The following NIBAN1 variants were observed in gnomAD, a reference collection of about 807,000 sequenced individuals.
NIBAN1 encodes niban apoptosis regulator 1, also known as protein Niban 1.
Under a neutral mutation model 75.1 loss-of-function variants are expected in NIBAN1, and 81 were observed. The observed-to-expected ratio is 1.08, with a 90% CI of 0.90 to 1.30. The LOEUF is 1.30. Ranked by LOEUF, NIBAN1 falls within the 50% of genes most tolerant of loss-of-function variation. The pLI is 0.00. For missense variants in NIBAN1, 1,133 were observed against 1,128.1 expected (o/e 1.00, Z -0.06); for synonymous variants, 436 against 424.8 (o/e 1.03, Z -0.32).
chr1:184,867,808 C>T (rs1165579276), intron 5 of NIBAN1: 4 of 960,238 alleles, frequency 4.2e-6, no homozygotes, highest in Non-Finnish European at 5.0e-6. Flanking sequence ...ACTGTGTTTT[C>T]GGTTTGTTTT....
chr1:184,796,679 C>A (rs1653880569), intron 13 of NIBAN1, among the ~76,000 whole-genome samples: 4 of 152,326 alleles, frequency 2.6e-5, no homozygotes, highest in Admixed American at 2.6e-4. Flanking sequence ...ACATTTTTGA[C>A]CACAGGCCTC....
intron 2 of NIBAN1, among the ~76,000 whole-genome samples, chr1:184,898,768 AG>A (rs1303331845): frequency 1.3e-5 from 2 of 152,242 alleles, no homozygotes; most frequent in Non-Finnish European, 1.5e-5. Context: ...CTTGGACTAT[AG>A]CCTAGCACAT....
intron 12 of NIBAN1, among the ~76,000 whole-genome samples, chr1:184,800,083 T>G (rs1186526662): frequency 2.2e-5 from 3 of 135,074 alleles, no homozygotes; most frequent in Admixed American, 7.4e-5. Flanking sequence ...GGTATCTCAT[T>G]GTGGTTTTGA....
intron 5 of NIBAN1, among the ~76,000 whole-genome samples, chr1:184,846,036 G>A (rs1286016942): frequency 1.2e-5 from 1 of 86,890 alleles, no homozygotes; most frequent in African/African-American, 5.4e-5. Context: ...AGGCGGCAGC[G>A]AGGCTGGGGG....
chr1:184,868,579 G>C (rs1011056092), intron 5 of NIBAN1: 2 of 152,194 alleles, frequency 1.3e-5, no homozygotes, highest in African/African-American at 4.8e-5. Flanking sequence ...GCAGAGAAAA[G>C]ACTTAACTTC....
In NIBAN1 at chr1:184,794,109, T is replaced by TC. The variant is rs961057782; in HGVS notation, c.*867_*868insG. 43 of 152,224 alleles carry TC rather than the reference T, an allele frequency of 2.8e-4. No individual in the cohort carries two copies. The highest frequency in any genetic ancestry group is 9.9e-4 in the African/African-American group (41 of 41,458). 9.4% of individuals were successfully genotyped at this position (152,224 alleles called of 1,614,324 possible). ...CTAGAACAAGCACTTATCTTTTCTTTTTTTTATTACTAAGCCCAACACAGT... is the reference window on the plus strand; with the variant it reads ...CTAGAACAAGCACTTATCTTTTCTTTCTTTTTATTACTAAGCCCAACACAGT... On this transcript the variant is annotated 3_prime_UTR_variant, in exon 14 of 14. Transcript: ENST00000367511.
intron 5 of NIBAN1, among the ~76,000 whole-genome samples, chr1:184,845,241 T>C (rs187287558): frequency 5.6e-4 from 86 of 152,310 alleles, no homozygotes; most frequent in Non-Finnish European, 8.5e-4. Flanking sequence ...GGTAAATAGG[T>C]GATTTCATTG....
At chr1:184,837,587 C>T (rs559848444) in intron 5 of NIBAN1, among the ~76,000 whole-genome samples, 3 of 152,228 alleles carry the variant, frequency 2.0e-5, no homozygotes, top group Non-Finnish European at 2.9e-5. Flanking sequence ...GTCACCTACC[C>T]CAAGCTCTCA....
At chr1:184,829,757 C>A (rs527987766) in intron 6 of NIBAN1, among the ~76,000 whole-genome samples, 3 of 152,094 alleles carry the variant, frequency 2.0e-5, no homozygotes, top group Non-Finnish European at 1.5e-5. Context: ...TGAGCCACTG[C>A]GCCTGGCCTA....
chr1:184,844,586 A>C (rs1655385133), intron 5 of NIBAN1, among the ~76,000 whole-genome samples: 1 of 152,208 alleles, frequency 6.6e-6, no homozygotes, highest in South Asian at 2.1e-4. Context: ...CATATGAATA[A>C]ATAACTCATT....
At chr1:184,874,170 A>T (rs1293838198) in intron 5 of NIBAN1, among the ~76,000 whole-genome samples, 1 of 152,034 alleles carries the variant, frequency 6.6e-6, no homozygotes, top group African/African-American at 2.4e-5. Flanking sequence ...AAAATAGAAT[A>T]TAAAATATAT....
At chr1:184,824,192 A>T (rs887678420) in intron 6 of NIBAN1, among the ~76,000 whole-genome samples, 1 of 152,156 alleles carries the variant, frequency 6.6e-6, no homozygotes, top group Admixed American at 6.5e-5. Context: ...CTTCATGATC[A>T]AGGTATCAAA....
chr1:184,831,964 TAAAGA>T lies in NIBAN1; in HGVS notation c.602-7_602-3del. 1.2e-6 allele frequency: 2 copies of T among 1,609,432 alleles called. No individual in the cohort carries two copies. The highest frequency in any genetic ancestry group is 1.7e-6 in the Non-Finnish European group (2 of 1,175,888). On this transcript the variant is annotated splice_polypyrimidine_tract_variant and splice_region_variant and intron_variant, in intron 5 of 13. Coordinates refer to ENST00000367511, the MANE Select transcript of NIBAN1 (RefSeq NM_052966.4). ...CAAATGTCATCTGCTTCATGTAATC[TAAAGA>T]AAAGAAGAAAGGGCATTCAGCAAGA... is the stretch of plus-strand genomic sequence containing the variant.
chr1:184,874,798 TA>T (rs1408429185), intron 5 of NIBAN1, among the ~76,000 whole-genome samples: 22 of 151,802 alleles, frequency 1.4e-4, no homozygotes, highest in Non-Finnish European at 2.2e-4. Context: ...AATAAATAAA[TA>T]AAAACAAAAG....
chr1:184,936,127 A>T (rs1022751631), intron 1 of NIBAN1, among the ~76,000 whole-genome samples: 3 of 152,284 alleles, frequency 2.0e-5, no homozygotes, highest in African/African-American at 7.2e-5. Context: ...ACCTCATCCA[A>T]ACATAACTGT....
intron 5 of NIBAN1, among the ~76,000 whole-genome samples, chr1:184,844,533 G>A (rs896296585): frequency 6.6e-6 from 1 of 152,096 alleles, no homozygotes; most frequent in Non-Finnish European, 1.5e-5. Flanking sequence ...GGTAGAAAAT[G>A]GAAAAAACTG....
chr1:184,864,109 A>G (rs139012029), intron 5 of NIBAN1, among the ~76,000 whole-genome samples: 61 of 152,320 alleles, frequency 4.0e-4, no homozygotes, highest in South Asian at 1.2e-3. Context: ...TTGGAGTTAA[A>G]CATTCAGGAT....
At chr1:184,921,610 C>T (rs986113520) in intron 1 of NIBAN1, among the ~76,000 whole-genome samples, 9 of 152,158 alleles carry the variant, frequency 5.9e-5, no homozygotes, top group Non-Finnish European at 1.0e-4. Flanking sequence ...AAGTAATAGG[C>T]TGCTTAGAAA....
At chr1:184,912,571 C>T (rs4650671) in intron 1 of NIBAN1, among the ~76,000 whole-genome samples, 53,994 of 151,936 alleles carry the variant, frequency 0.36, 10,608 homozygotes, top group South Asian at 0.5. Flanking sequence ...TTCATTTGCA[C>T]TTACTAGTGA....
Sources: gnomAD v4.1 joint callset for allele counts (sites outside exome capture counted in the v4.1 genomes callset) on GRCh38, gnomAD v4.1.1 for gene constraint, MANE v1.5 for transcripts, NCBI Gene and HGNC (gene_info 2026-07-23, HGNC 2026-07-21) for gene names.